Variants in NDUFS4 observed in about 807,000 individuals in gnomAD.
NDUFS4 encodes NADH:ubiquinone oxidoreductase subunit S4.
A neutral mutation model predicts 24.3 loss-of-function variants in NDUFS4; 28 were observed. That is an observed-to-expected ratio of 1.15 (90% confidence interval 0.85 to 1.58). NDUFS4 has a LOEUF of 1.58. NDUFS4 is among the 40% of genes most tolerant of loss of function. The probability of loss-of-function intolerance (pLI) is 0.00; values close to 1 mark genes in which losing one functional copy is unlikely to be tolerated. For missense variants in NDUFS4, 223 were observed against 207.9 expected (o/e 1.07, Z -0.45); for synonymous variants, 93 against 69.7 (o/e 1.34, Z -1.67).
chr5:53,620,187 T>A (rs1750988137), intron 2 of NDUFS4, among the ~76,000 whole-genome samples: 1 of 152,064 alleles, frequency 6.6e-6, no homozygotes, highest in African/African-American at 2.4e-5. Context: ...TGATACAGAA[T>A]GCTTTTAGAG....
intron 2 of NDUFS4, among the ~76,000 whole-genome samples, chr5:53,609,127 A>G (rs540815552): frequency 1.9e-4 from 29 of 152,304 alleles, no homozygotes; most frequent in African/African-American, 6.3e-4. Flanking sequence ...ATGAGTCACA[A>G]ATGTTCTTAG....
chr5:53,647,775 T>C (rs1241829370), intron 3 of NDUFS4, among the ~76,000 whole-genome samples: 2 of 152,230 alleles, frequency 1.3e-5, no homozygotes, highest in Admixed American at 1.3e-4. Flanking sequence ...GTAGACTGTC[T>C]TGTTCTAGAA....
At position 53,646,421 on chromosome 5, in the gene NDUFS4, T is replaced by C. The variant is rs1751866348; in HGVS notation, c.350+16T>C. The C allele has an allele frequency of 6.2e-7, 1 of 1,611,146 alleles. No homozygotes were observed. The highest frequency in any genetic ancestry group is 8.5e-7 in the Non-Finnish European group (1 of 1,177,524). On this transcript the variant is annotated intron_variant, in intron 3 of 4. Coordinates refer to ENST00000296684, the MANE Select transcript of NDUFS4 (RefSeq NM_002495.4). ...GGGCATCAACGTGAGTACTTTATTT[T>C]AATGTGAATATTGTCAGCTATCTTT...
intron 1 of NDUFS4, among the ~76,000 whole-genome samples, chr5:53,590,123 T>A (rs1347845298): frequency 3.3e-5 from 5 of 152,210 alleles, no homozygotes; most frequent in African/African-American, 7.2e-5. Context: ...ATGATTTTTT[T>A]AAAAAAATGC....
intron 2 of NDUFS4, among the ~76,000 whole-genome samples, chr5:53,615,515 C>T (rs1750814740): frequency 6.6e-6 from 1 of 151,936 alleles, no homozygotes; most frequent in Admixed American, 6.6e-5. Context: ...CAAAATACCA[C>T]CTGCAAGCAT....
intron 4 of NDUFS4, among the ~76,000 whole-genome samples, chr5:53,660,721 G>C (rs1752314544): frequency 6.6e-6 from 1 of 152,080 alleles, no homozygotes; most frequent in Non-Finnish European, 1.5e-5. Context: ...ATCTCATTGT[G>C]GTTTTAATTT....
intron 3 of NDUFS4, among the ~76,000 whole-genome samples, chr5:53,651,866 G>A (rs571634260): frequency 8.1e-4 from 122 of 150,802 alleles, no homozygotes; most frequent in Middle Eastern, 3.5e-3. Context: ...TCCGCCTCCC[G>A]GGTTCATGCC....
chr5:53,626,098 C>G (rs1349699330), intron 2 of NDUFS4, among the ~76,000 whole-genome samples: 1 of 152,130 alleles, frequency 6.6e-6, no homozygotes, highest in Non-Finnish European at 1.5e-5. Flanking sequence ...CAAGTGTTCT[C>G]ATTGTTCAAC....
At chr5:53,601,861 G>A (rs995778286) in intron 1 of NDUFS4, among the ~76,000 whole-genome samples, 7 of 152,138 alleles carry the variant, frequency 4.6e-5, no homozygotes, top group African/African-American at 1.7e-4. Flanking sequence ...CAGTATTGCA[G>A]TGCTTGTGTT....
chr5:53,577,782 CTATA>C (rs571878017), intron 1 of NDUFS4, among the ~76,000 whole-genome samples: 238 of 152,226 alleles, frequency 1.6e-3, no homozygotes, highest in Admixed American at 3.3e-3. Flanking sequence ...ATAGTTTCTT[CTATA>C]TAATGTTATG....
At chr5:53,594,042 A>G (rs1485400389) in intron 1 of NDUFS4, among the ~76,000 whole-genome samples, 1 of 152,178 alleles carries the variant, frequency 6.6e-6, no homozygotes, top group Non-Finnish European at 1.5e-5. Context: ...CAGTTGACAG[A>G]TGCCAGTTAT....
intron 2 of NDUFS4, among the ~76,000 whole-genome samples, chr5:53,608,744 A>C (rs750978800): frequency 3.3e-5 from 5 of 152,222 alleles, no homozygotes; most frequent in Non-Finnish European, 7.3e-5. Flanking sequence ...AAAGTCATTC[A>C]TGAGGGTTGG....
At chr5:53,665,953 C>T (rs1423385183) in intron 4 of NDUFS4, among the ~76,000 whole-genome samples, 1 of 152,208 alleles carries the variant, frequency 6.6e-6, no homozygotes, top group Non-Finnish European at 1.5e-5. Flanking sequence ...TGTTCCTATT[C>T]CACCATCTTG....
At chr5:53,617,275 C>G (rs551857969) in intron 2 of NDUFS4, among the ~76,000 whole-genome samples, 1 of 152,144 alleles carries the variant, frequency 6.6e-6, no homozygotes, top group Non-Finnish European at 1.5e-5. Flanking sequence ...CCTTTCCCCC[C>G]TCTTACTCTC....
rs11548867 is a variant in NDUFS4 at position 53,603,468 on chromosome 5, A to G, written c.115A>G (p.Thr39Ala). The G allele has an allele frequency of 6.2e-7, 1 of 1,613,718 alleles. No homozygotes were observed. The highest frequency in any genetic ancestry group is 1.7e-5 in the Admixed American group (1 of 59,970). ...RVPTRSLRTS[T>A]WRLAQDQTQD... ...GCACTGCAGGTCGTTGAGGACTTCC[A>G]CATGGAGATTGGCACAGGACCAGAC... Residue 39 changes from threonine to alanine, a missense_variant, in exon 2 of 5, where the codon ACA becomes GCA. Coordinates refer to ENST00000296684, the MANE Select transcript of NDUFS4 (RefSeq NM_002495.4).
chr5:53,594,428 A>C (rs1410575398), intron 1 of NDUFS4, among the ~76,000 whole-genome samples: 1 of 152,134 alleles, frequency 6.6e-6, no homozygotes, highest in African/African-American at 2.4e-5. Flanking sequence ...TTATAATTAA[A>C]AATGGGTTTC....
chr5:53,566,849 AT>A (rs34167752), intron 1 of NDUFS4, among the ~76,000 whole-genome samples: 562 of 136,580 alleles, frequency 4.1e-3, no homozygotes, highest in Non-Finnish European at 4.1e-3. Flanking sequence ...ACCGCCAAGT[AT>A]TTTTTTTTTT....
intron 4 of NDUFS4, among the ~76,000 whole-genome samples, chr5:53,681,598 A>G (rs1740667758): frequency 6.6e-6 from 1 of 152,148 alleles, no homozygotes; most frequent in Admixed American, 6.6e-5. Context: ...TTTAATGGAT[A>G]AGAAAGTTCT....
chr5:53,683,104 T>G lies in NDUFS4; in HGVS notation c.425-14T>G, dbSNP rs776879255. On this transcript the variant is annotated splice_polypyrimidine_tract_variant and intron_variant, in intron 4 of 4. Coordinates refer to ENST00000296684, the MANE Select transcript of NDUFS4 (RefSeq NM_002495.4). ...TTCTGTTTCTGTGGATTTGTCTTTG[T>G]TTTTTCCTCCTAGGATGGAGCTATG... The G allele has an allele frequency of 3.3e-5, 51 of 1,543,018 alleles. No homozygotes were observed. The East Asian group carries it at 1.1e-3, about 35-fold the overall frequency.
Sources: allele counts gnomAD v4.1 joint callset (sites outside exome capture counted in the v4.1 genomes callset), GRCh38; gene constraint gnomAD v4.1.1; transcripts MANE v1.5; gene names NCBI Gene and HGNC (gene_info 2026-07-23, HGNC 2026-07-21).